TCF7L1: variants seen among roughly 807,000 people sequenced by gnomAD.
TCF7L1 encodes transcription factor 7 like 1.
A neutral mutation model predicts 63.7 loss-of-function variants in TCF7L1; 18 were observed. The observed-to-expected ratio is 0.28, with a 90% CI of 0.20 to 0.42. The LOEUF (loss-of-function observed/expected upper bound fraction) is 0.42, where lower values mean the gene tolerates loss of function less well. Ranked by LOEUF, TCF7L1 falls within the 10% of genes least tolerant of loss-of-function variation. The probability of loss-of-function intolerance (pLI) is 1.00; values close to 1 mark genes in which losing one functional copy is unlikely to be tolerated. For synonymous variants in TCF7L1, 355 were observed against 340.9 expected (o/e 1.04, Z -0.46); for missense variants, 654 against 779.3 (o/e 0.84, Z 1.91).
chr2:85,189,411 C>T (rs1043424171), intron 3 of TCF7L1, among the ~76,000 whole-genome samples: 2 of 152,246 alleles, frequency 1.3e-5, no homozygotes, highest in Non-Finnish European at 2.9e-5. Flanking sequence ...CATGGAGGCG[C>T]CCTTCAGGGC....
intron 3 of TCF7L1, among the ~76,000 whole-genome samples, chr2:85,218,042 C>T (rs1212656804): frequency 1.3e-5 from 2 of 151,988 alleles, no homozygotes; most frequent in East Asian, 3.9e-4. Context: ...CCTCTTCTCC[C>T]GTGCCTAGAA....
intron 3 of TCF7L1, among the ~76,000 whole-genome samples, chr2:85,214,748 A>G (rs72840152): frequency 0.047 from 7,092 of 152,298 alleles, 186 homozygotes; most frequent in Middle Eastern, 0.054. Flanking sequence ...TATTCTGGTA[A>G]CAGGGGCTCC....
chr2:85,218,292 G>T (rs544989317), intron 3 of TCF7L1, among the ~76,000 whole-genome samples: 1 of 151,686 alleles, frequency 6.6e-6, no homozygotes, highest in South Asian at 2.1e-4. Flanking sequence ...ATCTTGCTCT[G>T]TCACCCAGGC....
At chr2:85,280,655 T>C (rs1681388189) in intron 3 of TCF7L1, among the ~76,000 whole-genome samples, 2 of 152,196 alleles carry the variant, frequency 1.3e-5, no homozygotes, top group Admixed American at 6.5e-5. Flanking sequence ...GTAGTTGTTA[T>C]TGTAGTTTAA....
intron 3 of TCF7L1, among the ~76,000 whole-genome samples, chr2:85,244,304 C>T (rs781179764): frequency 2.0e-5 from 3 of 152,156 alleles, no homozygotes; most frequent in Non-Finnish European, 2.9e-5. Context: ...AGAAAGGTGA[C>T]GTGATCCAAC....
intron 3 of TCF7L1, among the ~76,000 whole-genome samples, chr2:85,152,717 G>A (rs1032878079): frequency 7.6e-6 from 1 of 131,114 alleles, no homozygotes; most frequent in Middle Eastern, 3.5e-3. Flanking sequence ...TTACAGGTGT[G>A]AGCCACCACG....
intron 3 of TCF7L1, among the ~76,000 whole-genome samples, chr2:85,144,081 G>A (rs1677808837): frequency 6.6e-6 from 1 of 152,212 alleles, no homozygotes; most frequent in Admixed American, 6.5e-5. Flanking sequence ...AACGCTGGAG[G>A]AGTAAACTTA....
rs374608806 is a variant in TCF7L1, at chr2:85,152,683, T to C, written c.441+18233T>C. Among the ~76,000 whole-genome samples the C allele has an allele frequency of 4.6e-5, 6 of 131,480 alleles. No individual in the cohort carries two copies. In the East Asian group the frequency reaches 8.1e-4, roughly 18 times the overall value. The allele number at this position is 131,480 out of a possible 152,430, so 86.3% of individuals were successfully genotyped here. On this transcript the variant is annotated intron_variant, in intron 3 of 11. Coordinates refer to ENST00000282111, the MANE Select transcript of TCF7L1 (RefSeq NM_031283.3). The stretch of plus-strand genomic sequence containing the variant: ...CTCTAGACCTCGGGTTATCTGCCCA[T>C]CTCGGCCTCCCAAAGTGCTGGGATT...
At chr2:85,227,875 C>G (rs1053752070) in intron 3 of TCF7L1, among the ~76,000 whole-genome samples, 1 of 151,418 alleles carries the variant, frequency 6.6e-6, no homozygotes, top group African/African-American at 2.4e-5. Flanking sequence ...ACCTGTAGTC[C>G]CAGCTACTCG....
At chr2:85,241,180 C>T (rs1680311428) in intron 3 of TCF7L1, among the ~76,000 whole-genome samples, 1 of 152,186 alleles carries the variant, frequency 6.6e-6, no homozygotes, top group South Asian at 2.1e-4. Flanking sequence ...TCCTTTTCAA[C>T]ATTTTTTACA....
intron 4 of TCF7L1, among the ~76,000 whole-genome samples, chr2:85,285,505 C>T (rs114458193): frequency 0.023 from 3,505 of 152,228 alleles, 137 homozygotes; most frequent in African/African-American, 0.08. Context: ...ACCAGCCATC[C>T]GGGAAAGGCA....
At chr2:85,260,114 C>T (rs953549767) in intron 3 of TCF7L1, among the ~76,000 whole-genome samples, 1 of 152,190 alleles carries the variant, frequency 6.6e-6, no homozygotes, top group Non-Finnish European at 1.5e-5. Flanking sequence ...GCAGGCCTTC[C>T]AAACTCGCCC....
chr2:85,291,632 G>A (rs1681719097), intron 4 of TCF7L1, among the ~76,000 whole-genome samples: 1 of 152,224 alleles, frequency 6.6e-6, no homozygotes, highest in Non-Finnish European at 1.5e-5. Context: ...AAGCAGGAGT[G>A]CAATGGCACA....
chr2:85,195,829 G>A (rs1679142803), intron 3 of TCF7L1, among the ~76,000 whole-genome samples: 1 of 151,970 alleles, frequency 6.6e-6, no homozygotes, highest in Non-Finnish European at 1.5e-5. Context: ...TTACAGGTGT[G>A]AGCCACCATA....
chr2:85,256,900 T>G (rs2104341602), intron 3 of TCF7L1, among the ~76,000 whole-genome samples: 1 of 152,106 alleles, frequency 6.6e-6, no homozygotes, highest in Middle Eastern at 3.4e-3. Context: ...GGAGAATCAC[T>G]TGAACCTGGG....
At position 85,133,636 on chromosome 2, in the gene TCF7L1, C is replaced by A; in HGVS notation, c.-49C>A. The A allele has an allele frequency of 1.3e-6, 1 of 773,462 alleles. No homozygotes were observed. 47.9% of individuals were successfully genotyped at this position (773,462 alleles called of 1,614,324 possible). ...GCGCCGGGCCGGGCCGGGCAGGGCG[C>A]GGGCGGCTAGGGGCTCCGAGAGCGG... On this transcript the variant is annotated 5_prime_UTR_variant, in exon 1 of 12. Transcript: ENST00000282111. The surrounding 1 kb of genome is among the most constrained non-coding windows in gnomAD (Gnocchi z 4.4).
chr2:85,154,921 A>G (rs1168877639), intron 3 of TCF7L1, among the ~76,000 whole-genome samples: 1 of 150,774 alleles, frequency 6.6e-6, no homozygotes, highest in Non-Finnish European at 1.5e-5. Flanking sequence ...GGTTCAAGCA[A>G]CTCTCCTGCC....
chr2:85,230,083 C>G (rs1028915317), intron 3 of TCF7L1, among the ~76,000 whole-genome samples: 3 of 152,326 alleles, frequency 2.0e-5, no homozygotes, highest in Admixed American at 2.0e-4. Flanking sequence ...GCTTCTTTCT[C>G]TTTTTCAAAT....
intron 3 of TCF7L1, among the ~76,000 whole-genome samples, chr2:85,254,264 T>G (rs1680656010): frequency 6.6e-6 from 1 of 152,264 alleles, no homozygotes; most frequent in Non-Finnish European, 1.5e-5. Flanking sequence ...ACACAATTAA[T>G]TCAGACTTGG....
Sources: allele counts gnomAD v4.1 joint callset (sites outside exome capture counted in the v4.1 genomes callset), GRCh38; gene constraint gnomAD v4.1.1; non-coding constraint Gnocchi (gnomAD v3.1); transcripts MANE v1.5; gene names NCBI Gene and HGNC (gene_info 2026-07-23, HGNC 2026-07-21).